Variants in AMZ2 observed in about 807,000 individuals in gnomAD.
AMZ2 encodes the protein archaemetzincin-2.
A neutral mutation model predicts 36.7 loss-of-function variants in AMZ2; 26 were observed. That is an observed-to-expected ratio of 0.71 (90% CI 0.52 to 0.98). AMZ2 has a LOEUF of 0.98. Ranked by LOEUF, AMZ2 falls within the 50% of genes least tolerant of loss-of-function variation. The probability of loss-of-function intolerance (pLI) is 0.00; values close to 1 mark genes in which losing one functional copy is unlikely to be tolerated. For synonymous variants in AMZ2, 144 were observed against 149.1 expected, an observed-to-expected ratio of 0.97 and a Z score of 0.25; for missense variants, 394 against 430.5, an observed-to-expected ratio of 0.92 and a Z score of 0.75.
intron 1 of AMZ2, among the ~76,000 whole-genome samples, chr17:68,209,581 G>GGTGTGT (rs71142139): frequency 4.1e-4 from 44 of 106,930 alleles, no homozygotes; most frequent in African/African-American, 1.5e-3. Flanking sequence ...AATAATTGTG[G>GGTGTGT]GTGTGTGTGT....
chr17:68,236,466 A>G (rs1390061948), intron 1 of AMZ2, among the ~76,000 whole-genome samples: 17 of 151,976 alleles, frequency 1.1e-4, no homozygotes, highest in Admixed American at 1.1e-3. Context: ...AAAGCTAGTA[A>G]ATGCTCATTG....
intron 1 of AMZ2, among the ~76,000 whole-genome samples, chr17:68,214,314 C>T (rs1402090161): frequency 1.3e-5 from 2 of 152,034 alleles, no homozygotes; most frequent in African/African-American, 2.4e-5. Flanking sequence ...TCTAGAGGAG[C>T]GATGGCATGG....
chr17:68,209,161 G>A (rs2072936762), intron 1 of AMZ2, among the ~76,000 whole-genome samples: 1 of 151,852 alleles, frequency 6.6e-6, no homozygotes. Context: ...ATGTAGAAAG[G>A]ACTACATGTA....
intron 1 of AMZ2, among the ~76,000 whole-genome samples, chr17:68,221,042 G>A (rs1310533066): frequency 4.0e-5 from 6 of 151,750 alleles, no homozygotes; most frequent in Admixed American, 1.3e-4. Context: ...CCTCGGCCCC[G>A]CAAAGTGCTA....
intron 1 of AMZ2, among the ~76,000 whole-genome samples, chr17:68,210,561 T>A (rs1422530502): frequency 1.3e-5 from 2 of 152,126 alleles, no homozygotes; most frequent in Non-Finnish European, 2.9e-5. Flanking sequence ...GCTTAATAGG[T>A]ACGAGTTTCC....
intron 1 of AMZ2, among the ~76,000 whole-genome samples, chr17:68,224,530 A>G (rs2073459863): frequency 6.8e-6 from 1 of 147,704 alleles, no homozygotes; most frequent in Admixed American, 7.0e-5. Context: ...ATGGGATAGG[A>G]ATTGGGGGTA....
At chr17:68,225,611 G>A (rs868939011) in intron 1 of AMZ2, among the ~76,000 whole-genome samples, 33 of 152,152 alleles carry the variant, frequency 2.2e-4, no homozygotes, top group Non-Finnish European at 2.5e-4. Flanking sequence ...CCTCAATGGT[G>A]AGAATTTTAA....
At chr17:68,222,431 G>A (rs574429169) in intron 1 of AMZ2, among the ~76,000 whole-genome samples, 7 of 152,370 alleles carry the variant, frequency 4.6e-5, no homozygotes, top group African/African-American at 1.7e-4. Context: ...GACTGGTTTT[G>A]TGGAAGACAA....
At chr17:68,206,185 G>C in exon 1 of AMZ2, 1 of 1,305,640 alleles carries the variant, frequency 7.7e-7, no homozygotes, top group African/African-American at 1.5e-5. Context: ...GACGACGCCA[G>C]TTACTGCACA....
At chr17:68,238,306 T>TA (rs2073832361) in intron 1 of AMZ2, among the ~76,000 whole-genome samples, 1 of 152,114 alleles carries the variant, frequency 6.6e-6, no homozygotes, top group South Asian at 2.1e-4. Flanking sequence ...CTCAGCCTTC[T>TA]AAAGTGCTAG....
rs539448382 is a variant in AMZ2, at chr17:68,252,696, A to AT, written c.586+1526dup. Among the ~76,000 whole-genome samples, 44 of 151,480 alleles carry AT rather than the reference A, an allele frequency of 2.9e-4. 1 individual carries two copies. Among genetic ancestry groups the AT allele is most frequent in the Middle Eastern group, 3.4e-3 (1 of 292 alleles). On this transcript the variant is annotated intron_variant, in intron 4 of 6. Transcript: ENST00000359904. ...TTTATTTTATTTTTGGCCAGATGGG[A>AT]TTTTTTTTGGCCAGATGGGATCTCC...
intron 2 of AMZ2, 137 bp downstream of exon 2, chr17:68,250,607 G>A: frequency 2.3e-6 from 3 of 1,282,224 alleles, no homozygotes; most frequent in South Asian, 1.5e-5. Context: ...TACAAGTTTT[G>A]TAGCCAAACT....
chr17:68,251,623 A>G (rs2074484402), intron 4 of AMZ2, among the ~76,000 whole-genome samples: 1 of 152,082 alleles, frequency 6.6e-6, no homozygotes, highest in Non-Finnish European at 1.5e-5. Flanking sequence ...GCCATGATCG[A>G]GCCACTGCAC....
At position 68,248,266 on chromosome 17, in the gene AMZ2, C is replaced by T. The variant is rs2074158887; in HGVS notation, c.-440C>T. Reference sequence around the variant, plus strand: ...AGCCGCGGGGTCCGCGGGGTCGGTGCCTCTAGGGAGCCAGGGAGGCCTTTC... The same window carrying T: ...AGCCGCGGGGTCCGCGGGGTCGGTGTCTCTAGGGAGCCAGGGAGGCCTTTC... On this transcript the variant is annotated 5_prime_UTR_variant, in exon 1 of 7. Transcript: ENST00000359904. The T allele has an allele frequency of 7.1e-6, 7 of 985,662 alleles. No individual in the cohort carries two copies. Among genetic ancestry groups the T allele is most frequent in the Non-Finnish European group, 8.4e-6 (7 of 830,100 alleles). The allele number at this position is 985,662 out of a possible 1,614,324, so 61.1% of individuals were successfully genotyped here.
chr17:68,248,007 G>C (rs371570538), upstream of AMZ2: 15 of 986,100 alleles, frequency 1.5e-5, no homozygotes, highest in East Asian at 3.4e-4. Context: ...GGCGCGTGGC[G>C]TAAGGGGCGT....
intron 5 of AMZ2, among the ~76,000 whole-genome samples, chr17:68,255,265 A>G (rs1599442711): frequency 6.6e-6 from 1 of 152,140 alleles, no homozygotes; most frequent in East Asian, 1.9e-4. Context: ...CCCCAGAATC[A>G]GAATTACAAC....
chr17:68,221,435 T>C (rs2073363203), intron 1 of AMZ2, among the ~76,000 whole-genome samples: 1 of 151,790 alleles, frequency 6.6e-6, no homozygotes, highest in African/African-American at 2.4e-5. Context: ...ATTGCGTCAG[T>C]AAGAAAGCCA....
Position 68,215,064 on chromosome 17 carries a change from G to A in AMZ2, c.-67+8826G>A, listed in dbSNP as rs144591818. Among the ~76,000 whole-genome samples, 1,029 of 152,336 alleles carry A rather than the reference G, an allele frequency of 6.8e-3. 17 individuals carry two copies. Among genetic ancestry groups the A allele is most frequent in the African/African-American group, 0.023 (964 of 41,582 alleles). The stretch of plus-strand genomic sequence containing the variant: ...CTCTCAAAGTGCTGGGATTATAGGC[G>A]TGAGCCACTGCGTCCAGACTAACAA... On this transcript the variant is annotated intron_variant, in intron 1 of 7. Transcript: ENST00000674770.
Position 68,250,794 on chromosome 17 carries a change from G to T in AMZ2, c.284G>T (p.Gly95Val), listed in dbSNP as rs2074396842. The T allele has an allele frequency of 6.4e-7, 1 of 1,566,112 alleles. No homozygotes were observed. The highest frequency in any genetic ancestry group is 1.2e-5 in the South Asian group (1 of 83,478). ...NKRSIYIQSI[G>V]SLGNTRIISE... ...TTTTAAATGTTCTTCCATATTGTAG[G>T]CTCTCTAGGAAACACCAGAATTATC... Residue 95 changes from glycine to valine, a missense_variant and splice_region_variant, in exon 3 of 7, where the codon GGC becomes GTC. By Grantham distance (109) the Gly-to-Val change is moderately radical. Coordinates refer to ENST00000359904, the MANE Select transcript of AMZ2 (RefSeq NM_016627.5).
Sources: gnomAD v4.1 joint callset for allele counts (sites outside exome capture counted in the v4.1 genomes callset) on GRCh38, gnomAD v4.1.1 for gene constraint, MANE v1.5 for transcripts, NCBI Gene and HGNC (gene_info 2026-07-23, HGNC 2026-07-21) for gene names.